Variants in SLC39A11 observed in about 807,000 individuals in gnomAD.
SLC39A11 encodes the protein zinc transporter ZIP11.
Under a neutral mutation model 36.1 loss-of-function variants are expected in SLC39A11, and 33 were observed. The ratio of observed to expected loss-of-function variants is 0.91; its 90% CI spans 0.69 to 1.22. The LOEUF is 1.22. Among genes scored for constraint, SLC39A11 ranks in the 50% most tolerant of loss-of-function variants. SLC39A11 has a pLI of 0.00. For missense variants in SLC39A11, 432 were observed against 430.3 expected (o/e 1.00, Z -0.03); for synonymous variants, 166 against 170.3 (o/e 0.97, Z 0.20).
rs183671607 is a variant in SLC39A11 at position 72,744,989 on chromosome 17, G to A, written c.602-8270C>T. ...CCTGAGTAGCTGGGATTACAGGTGCGCACCACCAGGCCTGGCTAATTTTTG... is the reference window on the plus strand; with the variant it reads ...CCTGAGTAGCTGGGATTACAGGTGCACACCACCAGGCCTGGCTAATTTTTG... On this transcript the variant is annotated intron_variant, in intron 6 of 9. Transcript: ENST00000255559. 8.5e-5 allele frequency among the ~76,000 whole-genome samples: 13 copies of A among 152,172 alleles called. No individual in the cohort carries two copies. In the East Asian group the frequency reaches 9.7e-4, roughly 11 times the overall value.
chr17:72,819,343 A>G (rs576533092), intron 6 of SLC39A11, among the ~76,000 whole-genome samples: 8 of 151,510 alleles, frequency 5.3e-5, no homozygotes, highest in African/African-American at 1.9e-4. Context: ...CTTCCCTCAG[A>G]GCCCTCAGAA....
chr17:73,004,187 G>A (rs1041274700), intron 4 of SLC39A11, among the ~76,000 whole-genome samples: 16 of 84,590 alleles, frequency 1.9e-4, no homozygotes, highest in Admixed American at 6.7e-4. Flanking sequence ...AAGAAAGAAA[G>A]AAAGAAAGAA....
chr17:72,727,384 T>G (rs1190293583), intron 7 of SLC39A11, among the ~76,000 whole-genome samples: 1 of 152,110 alleles, frequency 6.6e-6, no homozygotes, highest in Non-Finnish European at 1.5e-5. Context: ...CCAGGCACAG[T>G]GGCTCACGCC....
At chr17:72,773,850 G>A (rs1312285071) in intron 6 of SLC39A11, among the ~76,000 whole-genome samples, 2 of 152,168 alleles carry the variant, frequency 1.3e-5, no homozygotes, top group Non-Finnish European at 2.9e-5. Flanking sequence ...CCACAGACAA[G>A]GAGGAACAGG....
At chr17:72,861,691 A>AAAT (rs1567842224) in intron 5 of SLC39A11, among the ~76,000 whole-genome samples, 48 of 108,894 alleles carry the variant, frequency 4.4e-4, no homozygotes, top group African/African-American at 1.6e-3. Context: ...ATATATATAA[A>AAAT]ATATATATAT....
intron 5 of SLC39A11, among the ~76,000 whole-genome samples, chr17:72,909,535 G>C (rs368828111): frequency 1.3e-5 from 2 of 152,098 alleles, no homozygotes; most frequent in East Asian, 3.9e-4. Flanking sequence ...CAGACATTCA[G>C]GAACTGTCCA....
chr17:72,862,651 C>T (rs1024293375), intron 5 of SLC39A11, among the ~76,000 whole-genome samples: 4 of 152,028 alleles, frequency 2.6e-5, no homozygotes, highest in Non-Finnish European at 4.4e-5. Flanking sequence ...ATTTCAGCTA[C>T]GGGCAGACAT....
At chr17:72,946,788 A>C (rs1418908128) in intron 5 of SLC39A11, among the ~76,000 whole-genome samples, 1 of 152,162 alleles carries the variant, frequency 6.6e-6, no homozygotes, top group Non-Finnish European at 1.5e-5. Context: ...GTCCTTAGTA[A>C]ACAATGAGGG....
At chr17:72,964,955 A>G (rs2086863025) in intron 4 of SLC39A11, among the ~76,000 whole-genome samples, 1 of 152,238 alleles carries the variant, frequency 6.6e-6, no homozygotes, top group African/African-American at 2.4e-5. Flanking sequence ...CTTTGTACGG[A>G]CACGGATGAA....
At chr17:73,056,577 G>A (rs1255650928) in intron 3 of SLC39A11, among the ~76,000 whole-genome samples, 1 of 152,276 alleles carries the variant, frequency 6.6e-6, no homozygotes, top group East Asian at 1.9e-4. Flanking sequence ...GTGGTGGCTG[G>A]CAAGTCACTG....
At chr17:72,769,766 A>G (rs2075872566) in intron 6 of SLC39A11, among the ~76,000 whole-genome samples, 1 of 152,046 alleles carries the variant, frequency 6.6e-6, no homozygotes, top group Non-Finnish European at 1.5e-5. Context: ...GATGGTCTCA[A>G]TCTTTTGACC....
chr17:73,063,668 G>T (rs891471696), intron 3 of SLC39A11, among the ~76,000 whole-genome samples: 1 of 152,088 alleles, frequency 6.6e-6, no homozygotes, highest in Non-Finnish European at 1.5e-5. Flanking sequence ...CAAGATTATT[G>T]CAAGGGTCAG....
Position 72,716,051 on chromosome 17 carries a change from G to GA in SLC39A11, c.671+20598dup, listed in dbSNP as rs2073347596. Among the ~76,000 whole-genome samples the GA allele has an allele frequency of 3.3e-5, 5 of 152,124 alleles. No individual in the cohort carries two copies. In the South Asian group the frequency reaches 1.0e-3, roughly 32 times the overall value. On this transcript the variant is annotated intron_variant, in intron 7 of 9. Transcript: ENST00000255559. ...TGCACAGACAGGTCATGGTAAGTGT[G>GA]AAAAAATACCTAACTCCCGCCCTCG... is the stretch of plus-strand genomic sequence containing the variant.
chr17:72,832,389 A>AT (rs2078323717), intron 6 of SLC39A11, among the ~76,000 whole-genome samples: 1 of 152,058 alleles, frequency 6.6e-6, no homozygotes, highest in Non-Finnish European at 1.5e-5. Context: ...AGAACAACCT[A>AT]TTTTTTTCTA....
At position 72,843,606 on chromosome 17, in the gene SLC39A11, T is replaced by G. The variant is rs528957861; in HGVS notation, c.601+6028A>C. On this transcript the variant is annotated intron_variant, in intron 6 of 9. Transcript: ENST00000255559. ...CCGGAGAAGGACCCTCACCAGAACC[T>G]GACCACGACCATGCTGGCAGCCCGA... is the stretch of plus-strand genomic sequence containing the variant. Among the ~76,000 whole-genome samples, 44 of 152,298 alleles carry G rather than the reference T, an allele frequency of 2.9e-4. 2 individuals are homozygous for G. The highest frequency in any genetic ancestry group is 2.4e-3 in the Admixed American group (37 of 15,306).
intron 4 of SLC39A11, among the ~76,000 whole-genome samples, chr17:72,977,665 GA>G (rs1420069664): frequency 6.6e-6 from 1 of 152,072 alleles, no homozygotes; most frequent in African/African-American, 2.4e-5. Flanking sequence ...GGACATGTGG[GA>G]AAGAACCATG....
intron 4 of SLC39A11, among the ~76,000 whole-genome samples, chr17:72,986,369 C>T (rs145958515): frequency 5.5e-4 from 84 of 152,304 alleles, no homozygotes; most frequent in African/African-American, 1.9e-3. Flanking sequence ...CCTGGCCATG[C>T]AGACAAAGCC....
intron 5 of SLC39A11, among the ~76,000 whole-genome samples, chr17:72,851,806 C>T (rs1450404428): frequency 1.3e-5 from 2 of 152,128 alleles, no homozygotes; most frequent in East Asian, 1.9e-4. Flanking sequence ...TCAAAAAACA[C>T]GGAGCTCTCT....
chr17:72,846,723 A>G (rs903100796), intron 6 of SLC39A11, among the ~76,000 whole-genome samples: 16 of 152,292 alleles, frequency 1.1e-4, no homozygotes, highest in African/African-American at 3.6e-4. Context: ...CTTAGACCAC[A>G]TTTTTGTTCT....
Sources: allele counts gnomAD v4.1 joint callset (sites outside exome capture counted in the v4.1 genomes callset), GRCh38; gene constraint gnomAD v4.1.1; transcripts MANE v1.5; gene names NCBI Gene and HGNC (gene_info 2026-07-23, HGNC 2026-07-21).